Variants in AACS observed in about 807,000 individuals in gnomAD.
AACS encodes the protein acetoacetyl-CoA synthetase, also known as acetoacetate-CoA ligase.
Under a neutral mutation model 83.1 loss-of-function variants are expected in AACS, and 69 were observed. The ratio of observed to expected loss-of-function variants is 0.83; its 90% CI spans 0.68 to 1.01. The LOEUF (loss-of-function observed/expected upper bound fraction) is 1.01. AACS is among the 50% of genes least tolerant of loss of function. The pLI, the probability that AACS is intolerant of heterozygous loss-of-function variation, is 0.00. For synonymous variants in AACS, 333 were observed against 343.4 expected, an observed-to-expected ratio of 0.97 and a Z score of 0.33; for missense variants, 866 against 882.2, an observed-to-expected ratio of 0.98 and a Z score of 0.23.
chr12:125,087,351 T>C (rs775201469), intron 4 of AACS, among the ~76,000 whole-genome samples: 4 of 152,232 alleles, frequency 2.6e-5, no homozygotes, highest in Admixed American at 2.0e-4. Flanking sequence ...TGCTTAGGTA[T>C]TTTTCTTACA....
At position 125,073,982 on chromosome 12, in the gene AACS, A is replaced by G. The variant is rs1955947729; in HGVS notation, c.237+3A>G. 2 of 1,604,798 alleles carry G rather than the reference A, an allele frequency of 1.2e-6. No individual in the cohort carries two copies. Among genetic ancestry groups the G allele is most frequent in the Non-Finnish European group, 1.7e-6 (2 of 1,174,452 alleles). On this transcript the variant is annotated splice_donor_region_variant and intron_variant, in intron 2 of 17. Coordinates refer to ENST00000316519, the MANE Select transcript of AACS (RefSeq NM_023928.5). ...TCTTCTCACGTGTGTATGATGAGGT[A>G]AGTAGAGATTTTCCGTGGATATCAT...
intron 7 of AACS, among the ~76,000 whole-genome samples, chr12:125,104,102 G>C (rs1461677515): frequency 6.7e-6 from 1 of 148,948 alleles, no homozygotes; most frequent in Non-Finnish European, 1.5e-5. Flanking sequence ...AAAGTTCTTG[G>C]AGTTATACCT....
chr12:125,093,952 G>A (rs1346171480), intron 5 of AACS, among the ~76,000 whole-genome samples: 1 of 152,226 alleles, frequency 6.6e-6, no homozygotes, highest in East Asian at 1.9e-4. Flanking sequence ...GAGGGCCTGC[G>A]TGGATGCCAT....
Position 125,128,162 on chromosome 12 carries a change from A to C in AACS, c.1311A>C (p.Gly437=). ...KSSILLGSIS[G]GTDIISCFMG... ...GTCTCCCTTTGCCATTGCTTGCAGG[A>C]GGCACCGACATCATCTCCTGCTTCA... Residue 437 remains glycine (G), a splice_region_variant and synonymous_variant, in exon 13 of 18, where the codon GGA becomes GGC. Transcript: ENST00000316519. The C allele has an allele frequency of 6.2e-7, 1 of 1,606,746 alleles. No homozygotes were observed. Among genetic ancestry groups the C allele is most frequent in the South Asian group, 1.1e-5 (1 of 90,158 alleles).
rs78402097 is a variant in AACS, at chr12:125,110,375, G to A, written c.915+3107G>A. On this transcript the variant is annotated intron_variant, in intron 8 of 17. Transcript: ENST00000316519. ...CCTGAGCCGTCACGCCCAGCTGAAT[G>A]TAGTGCTTTTCTAATAACTGCTATC... Among the ~76,000 whole-genome samples, 137 of 152,244 alleles carry A rather than the reference G, an allele frequency of 9.0e-4. 3 individuals carry two copies. In the East Asian group the frequency reaches 0.02, roughly 22 times the overall value.
intron 3 of AACS, among the ~76,000 whole-genome samples, chr12:125,077,306 C>A (rs780430676): frequency 1.3e-5 from 2 of 151,808 alleles, no homozygotes; most frequent in Admixed American, 6.6e-5. Context: ...GTCAGGAGAT[C>A]GAGACTGTCC....
intron 4 of AACS, 187 bp from the exon 5 acceptor site, chr12:125,091,239 G>A (rs1007155300): frequency 4.8e-6 from 3 of 622,234 alleles, no homozygotes; most frequent in East Asian, 5.6e-5. Flanking sequence ...ATTGCAGGGG[G>A]ATGGTGGGGA....
In AACS at chr12:125,129,523, A is replaced by C. The variant is rs1957298925; in HGVS notation, c.1549+63A>C. On this transcript the variant is annotated intron_variant, in intron 14 of 17. Transcript: ENST00000316519. The surrounding 1 kb of genome is among the most constrained non-coding windows in gnomAD (Gnocchi z 4.3). ...TGCCTTGGCTGGGCCTTCTGTGTCT[A>C]ATTCTGTACCATCGTGCCCCTCCCC... The C allele has an allele frequency of 8.3e-6, 13 of 1,572,232 alleles. No homozygotes were observed. In the South Asian group the frequency reaches 1.3e-4, roughly 16 times the overall value.
Position 125,129,681 on chromosome 12 carries a change from T to G in AACS, c.1549+221T>G, listed in dbSNP as rs939631390. On this transcript the variant is annotated intron_variant, in intron 14 of 17. Coordinates refer to ENST00000316519, the MANE Select transcript of AACS (RefSeq NM_023928.5). The surrounding 1 kb of genome is among the most constrained non-coding windows in gnomAD (Gnocchi z 4.3). Reference sequence around the variant, plus strand: ...CGTGTGCAACTGCAATCTGGTTTAGTTGAATCTCAGCCACCTCTGCCCAGA... The same window carrying G: ...CGTGTGCAACTGCAATCTGGTTTAGGTGAATCTCAGCCACCTCTGCCCAGA... 2.6e-5 allele frequency among the ~76,000 whole-genome samples: 4 copies of G among 152,190 alleles called. No homozygotes were observed. The East Asian group carries it at 7.7e-4, about 29-fold the overall frequency.
intron 8 of AACS, among the ~76,000 whole-genome samples, chr12:125,108,437 C>T (rs1956879804): frequency 6.6e-6 from 1 of 152,150 alleles, no homozygotes; most frequent in African/African-American, 2.4e-5. Flanking sequence ...CTGACAGCCT[C>T]ATTTAAACTC....
chr12:125,079,535 C>T (rs983452975), intron 3 of AACS, among the ~76,000 whole-genome samples: 1 of 152,086 alleles, frequency 6.6e-6, no homozygotes, highest in African/African-American at 2.4e-5. Flanking sequence ...GCATGCACCA[C>T]TGTGTCCGGC....
intron 3 of AACS, among the ~76,000 whole-genome samples, chr12:125,077,219 G>A (rs1399229754): frequency 1.3e-5 from 2 of 151,796 alleles, no homozygotes; most frequent in Non-Finnish European, 2.9e-5. Flanking sequence ...CCCGGCCCCT[G>A]TGCAGCTTTT....
chr12:125,075,436 C>T (rs1456230964), intron 2 of AACS, among the ~76,000 whole-genome samples: 6 of 151,304 alleles, frequency 4.0e-5, no homozygotes, highest in East Asian at 1.9e-4. Context: ...GGATTACAGG[C>T]GCCCGCCACC....
chr12:125,103,231 C>T (rs893729419), intron 7 of AACS, 150 bp downstream of exon 7: 9 of 642,410 alleles, frequency 1.4e-5, no homozygotes, highest in African/African-American at 1.1e-4. Context: ...GTAGATAAGA[C>T]ACCTGAGGCC....
At chr12:125,124,432 G>A (rs1481536308) in intron 10 of AACS, 1 of 489,618 alleles carries the variant, frequency 2.0e-6, no homozygotes, top group African/African-American at 1.9e-5. Context: ...GGAAGATAAT[G>A]GGTTCGGGTG....
At chr12:125,137,048 C>A (rs1346926792) in intron 17 of AACS, among the ~76,000 whole-genome samples, 184 bp downstream of exon 17, 2 of 152,242 alleles carry the variant, frequency 1.3e-5, no homozygotes, top group African/African-American at 4.8e-5. Flanking sequence ...TTTAAAGCAA[C>A]TTCTGCTAAA....
At chr12:125,105,316 G>A (rs1473789778) in intron 7 of AACS, 1 of 152,212 alleles carries the variant, frequency 6.6e-6, no homozygotes, top group African/African-American at 2.4e-5. Context: ...CGGCCGCGGT[G>A]GGCTCTGTCG....
At position 125,068,969 on chromosome 12, in the gene AACS, A is replaced by G. The variant is rs140196619; in HGVS notation, c.133+3252A>G. ...GTTCTCCTGCCTCAGCCTCCTGATT[A>G]GCTGGGATTACAGGCATGCAACACC... On this transcript the variant is annotated intron_variant, in intron 1 of 17. Transcript: ENST00000316519. Among the ~76,000 whole-genome samples the G allele has an allele frequency of 2.5e-3, 372 of 151,798 alleles. 3 individuals carry two copies. Among genetic ancestry groups the G allele is most frequent in the African/African-American group, 8.4e-3 (347 of 41,354 alleles).
At chr12:125,134,118 C>T (rs1343101874) in intron 15 of AACS, 46 bp downstream of exon 15, 23 of 1,595,660 alleles carry the variant, frequency 1.4e-5, no homozygotes, top group Non-Finnish European at 1.9e-5. Flanking sequence ...CCCCACCTTC[C>T]AGAGGCATGG....
Sources: gnomAD v4.1 joint callset for allele counts (sites outside exome capture counted in the v4.1 genomes callset) on GRCh38, gnomAD v4.1.1 for gene constraint, Gnocchi (gnomAD v3.1) non-coding constraint, MANE v1.5 for transcripts, NCBI Gene and HGNC (gene_info 2026-07-23, HGNC 2026-07-21) for gene names.